SIMC1: variants seen among roughly 807,000 people sequenced by gnomAD.
The protein encoded by SIMC1 is SUMO-interacting motif-containing protein 1.
SIMC1 carries 55 observed loss-of-function variants against 82.3 expected under a neutral mutation model. The ratio of observed to expected loss-of-function variants is 0.67; its 90% CI spans 0.54 to 0.84. The LOEUF is 0.84. Among genes scored for constraint, SIMC1 ranks in the 40% least tolerant of loss-of-function variants. The probability of loss-of-function intolerance (pLI) is 0.00; values close to 1 mark genes in which losing one functional copy is unlikely to be tolerated. For missense variants in SIMC1, 915 were observed against 1,107.2 expected (o/e 0.83, Z 2.46); for synonymous variants, 353 against 426.3 (o/e 0.83, Z 2.12).
At chr5:176,245,530 A>G (rs1761407880) in intron 1 of SIMC1, among the ~76,000 whole-genome samples, 1 of 152,188 alleles carries the variant, frequency 6.6e-6, no homozygotes, top group African/African-American at 2.4e-5. Flanking sequence ...CATACATGTT[A>G]CAATTTTCTT....
intron 4 of SIMC1, among the ~76,000 whole-genome samples, chr5:176,297,516 A>C (rs1290404489): frequency 1.3e-5 from 2 of 151,546 alleles, no homozygotes; most frequent in African/African-American, 2.4e-5. Flanking sequence ...AAAAAAAAAA[A>C]AAAAAAAAAA....
rs1284428615 is a variant in SIMC1, at chr5:176,322,361, A to G, written c.1978A>G (p.Ile660Val). Reference sequence around the variant, plus strand: ...AAATCAAACGTCTTCAGGAACAGGAATCTTGAAAGCCAGCAGTAGCCACCC... The same window carrying G: ...AAATCAAACGTCTTCAGGAACAGGAGTCTTGAAAGCCAGCAGTAGCCACCC... ...NGNQTSSGTG[I>V]LKASSSHPSS... is the part of the protein sequence containing the mutation. The change falls in exon 6 of 10, where the codon ATC (isoleucine) becomes GTC (valine). Residue 660 changes from isoleucine to valine, a missense_variant. Physicochemically the swap from Ile to Val is conservative, Grantham distance 29 (BLOSUM62 3). Transcript: ENST00000429602. 4 of 1,605,246 alleles carry G rather than the reference A, an allele frequency of 2.5e-6. No individual in the cohort carries two copies. The highest frequency in any genetic ancestry group is 3.4e-6 in the Non-Finnish European group (4 of 1,175,998).
At chr5:176,318,392 T>G (rs770003676) in intron 5 of SIMC1, among the ~76,000 whole-genome samples, 3 of 152,230 alleles carry the variant, frequency 2.0e-5, no homozygotes, top group African/African-American at 2.4e-5. Context: ...CCTCAGTTGG[T>G]CTCAATATCC....
intron 1 of SIMC1, among the ~76,000 whole-genome samples, chr5:176,280,334 C>T (rs139955930): frequency 6.6e-6 from 1 of 151,952 alleles, no homozygotes; most frequent in African/African-American, 2.4e-5. Flanking sequence ...CTTGGTAGGT[C>T]TTCCTCCATC....
chr5:176,324,560 T>C (rs1268736245), intron 6 of SIMC1, 69 bp from the exon 7 acceptor site: 1 of 1,537,540 alleles, frequency 6.5e-7, no homozygotes, highest in Admixed American at 2.0e-5. Flanking sequence ...GGTGGGGACC[T>C]CCTCCCAGCC....
chr5:176,293,366 C>T (rs941882673), intron 2 of SIMC1, among the ~76,000 whole-genome samples: 18 of 151,110 alleles, frequency 1.2e-4, no homozygotes, highest in Middle Eastern at 6.4e-3. Flanking sequence ...ACCCGGGAGG[C>T]GGAACTTGCA....
At chr5:176,242,722 C>T (rs1761314140) in intron 1 of SIMC1, among the ~76,000 whole-genome samples, 1 of 152,054 alleles carries the variant, frequency 6.6e-6, no homozygotes. Flanking sequence ...ATATCTCTTT[C>T]TCTGCTGCCT....
intron 9 of SIMC1, among the ~76,000 whole-genome samples, chr5:176,341,502 C>T (rs894344673): frequency 6.6e-6 from 1 of 152,102 alleles, no homozygotes; most frequent in Non-Finnish European, 1.5e-5. Flanking sequence ...TGATGTGTAG[C>T]GAATCATTTG....
rs1764521184 is a variant in SIMC1 at position 176,308,446 on chromosome 5, CTGTT to C, written c.1735-5242_1735-5239del. 9 of 1,608,066 alleles carry C rather than the reference CTGTT, an allele frequency of 5.6e-6. No homozygotes were observed. In the Admixed American group the frequency reaches 6.7e-5, roughly 12 times the overall value. On this transcript the variant is annotated intron_variant, in intron 4 of 9. Transcript: ENST00000429602. Reference sequence around the variant, plus strand: ...TGGTATCATTCCCATCCTCATATAACTGTTTGGCCTTCACATGTTGATGTTCGCA... The same window carrying C: ...TGGTATCATTCCCATCCTCATATAACTGGCCTTCACATGTTGATGTTCGCA...
At chr5:176,339,511 G>T (rs1316149833) in intron 9 of SIMC1, among the ~76,000 whole-genome samples, 2 of 152,110 alleles carry the variant, frequency 1.3e-5, no homozygotes, top group African/African-American at 2.4e-5. Flanking sequence ...CCTCAGTGAG[G>T]CTTATGTAAT....
rs143931126 is a variant in SIMC1 at position 176,295,084 on chromosome 5, A to G, written c.1486A>G (p.Asn496Asp). 796 of 1,613,704 alleles carry G rather than the reference A, an allele frequency of 4.9e-4. 2 individuals are homozygous for G. The highest frequency in any genetic ancestry group is 5.4e-4 in the Non-Finnish European group (633 of 1,179,696). Residue 496 changes from asparagine (N) to aspartate (D), a missense_variant, in exon 3 of 10, where the codon AAT (asparagine) becomes GAT (aspartate). Physicochemically the swap from Asn to Asp is conservative, Grantham distance 23. This residue lies in a region of SIMC1 where 902 missense variants were observed against 1,040.3 expected (regional missense o/e 0.87). Transcript: ENST00000429602. Reference protein sequence around the residue: ...IPHRRLRMVTNTIEENFPLGT... With the variant: ...IPHRRLRMVTDTIEENFPLGT... ...TCATCGAAGACTAAGAATGGTAACA[A>G]ATACCATTGAAGAGAATTTTCCTCT...
chr5:176,269,984 T>C (rs1341220643), intron 1 of SIMC1, among the ~76,000 whole-genome samples: 1 of 151,804 alleles, frequency 6.6e-6, no homozygotes, highest in Non-Finnish European at 1.5e-5. Flanking sequence ...CTTGAACTCC[T>C]GAGCTCAAGA....
In SIMC1 at chr5:176,324,671, G is replaced by C; in HGVS notation, c.2085G>C (p.Glu695Asp). The C allele has an allele frequency of 6.2e-7, 1 of 1,610,174 alleles. No individual in the cohort carries two copies. Among genetic ancestry groups the C allele is most frequent in the Non-Finnish European group, 8.5e-7 (1 of 1,178,224 alleles). ...AGAGGATGCTCTCCATAGCCGTAGAGGTGGACAGGACCCCCACCTGCAGCT... is the reference window on the plus strand; with the variant it reads ...AGAGGATGCTCTCCATAGCCGTAGACGTGGACAGGACCCCCACCTGCAGCT... ...QLQRMLSIAV[E>D]VDRTPTCSSN... is the part of the protein sequence containing the mutation. The change falls in exon 7 of 10, where the codon GAG (glutamate) becomes GAC (aspartate). Residue 695 changes from glutamate to aspartate, a missense_variant. Around this residue, in one of 2 missense-constraint regions of SIMC1, gnomAD observed 902 missense variants for 1,040.3 expected, o/e 0.87. Transcript: ENST00000429602.
At chr5:176,281,186 T>C (rs1191898537) in intron 1 of SIMC1, among the ~76,000 whole-genome samples, 2 of 152,246 alleles carry the variant, frequency 1.3e-5, no homozygotes, top group African/African-American at 4.8e-5. Context: ...TCATTTCATC[T>C]TCCATCGCTG....
chr5:176,245,048 A>G (rs899223360), intron 1 of SIMC1, among the ~76,000 whole-genome samples: 4 of 152,086 alleles, frequency 2.6e-5, no homozygotes, highest in Non-Finnish European at 5.9e-5. Flanking sequence ...TGTTAAATCT[A>G]CTTATATATT....
chr5:176,291,034 C>T (rs539587035), intron 2 of SIMC1, 79 bp downstream of exon 2: 12 of 806,414 alleles, frequency 1.5e-5, no homozygotes, highest in South Asian at 1.1e-4. Flanking sequence ...GGAGTCCATG[C>T]GTGAGAGGAC....
intron 4 of SIMC1, among the ~76,000 whole-genome samples, chr5:176,299,268 C>T (rs1271006055): frequency 1.3e-5 from 2 of 152,226 alleles, no homozygotes; most frequent in East Asian, 3.9e-4. Flanking sequence ...TAACACACAC[C>T]TGTTGTCCCA....
At chr5:176,282,241 C>A (rs1419032783) in intron 1 of SIMC1, among the ~76,000 whole-genome samples, 1 of 152,248 alleles carries the variant, frequency 6.6e-6, no homozygotes, top group African/African-American at 2.4e-5. Context: ...AAGCCAGGTG[C>A]AGGATATAAT....
At position 176,290,892 on chromosome 5, in the gene SIMC1, C is replaced by T; in HGVS notation, c.1368C>T (p.Phe456=). ...CATGCCTGCATAGACTGAAGTACTT[C>T]TTACGTCCTCCGGTTCATCACCTCT... is the stretch of plus-strand genomic sequence containing the variant. ...NRPCLHRLKY[F]LRPPVHHLFF... Residue 456 remains phenylalanine, a synonymous_variant, in exon 2 of 10, where the codon TTC becomes TTT. Transcript: ENST00000429602. 2 of 1,612,256 alleles carry T rather than the reference C, an allele frequency of 1.2e-6. No individual in the cohort carries two copies. Among genetic ancestry groups the T allele is most frequent in the Non-Finnish European group, 1.7e-6 (2 of 1,178,906 alleles).
Sources: gnomAD v4.1 joint callset for allele counts (sites outside exome capture counted in the v4.1 genomes callset) on GRCh38, gnomAD v4.1.1 for gene constraint, gnomAD v4.1.1 regional missense constraint, MANE v1.5 for transcripts, NCBI Gene and HGNC (gene_info 2026-07-23, HGNC 2026-07-21) for gene names.